NEK1: variants seen among roughly 807,000 people sequenced by gnomAD.
NEK1 encodes NIMA related kinase 1.
A neutral mutation model predicts 182.1 loss-of-function variants in NEK1; 137 were observed. The observed-to-expected ratio is 0.75, with a 90% CI of 0.65 to 0.87. The LOEUF is 0.87. NEK1 is among the 40% of genes least tolerant of loss of function. NEK1 has a pLI of 0.00. For synonymous variants in NEK1, 513 were observed against 492.2 expected (o/e 1.04, Z -0.56); for missense variants, 1,391 against 1,494.4 (o/e 0.93, Z 1.14).
chr4:169,484,595 G>A (rs995566503), intron 23 of NEK1, among the ~76,000 whole-genome samples: 5 of 152,130 alleles, frequency 3.3e-5, no homozygotes, highest in Non-Finnish European at 7.3e-5. Flanking sequence ...AGTACTAAAC[G>A]ATCTGGGGAA....
chr4:169,499,066 T>C (rs1240505039), intron 23 of NEK1, among the ~76,000 whole-genome samples: 1 of 152,226 alleles, frequency 6.6e-6, no homozygotes, highest in Non-Finnish European at 1.5e-5. Context: ...TTTGGTCTTT[T>C]CACATAGTCC....
intron 19 of NEK1, among the ~76,000 whole-genome samples, chr4:169,531,293 A>G (rs1339694512): frequency 6.6e-6 from 1 of 152,110 alleles, no homozygotes; most frequent in Non-Finnish European, 1.5e-5. Context: ...ATATGATGAT[A>G]AACTATTAAC....
intron 10 of NEK1, among the ~76,000 whole-genome samples, chr4:169,585,148 C>T (rs1279659843): frequency 6.6e-6 from 1 of 152,040 alleles, no homozygotes; most frequent in Non-Finnish European, 1.5e-5. Context: ...ATGATTTTGC[C>T]ATTGTACTCC....
intron 31 of NEK1, among the ~76,000 whole-genome samples, chr4:169,417,222 A>T (rs1396335802): frequency 6.6e-6 from 1 of 152,180 alleles, no homozygotes; most frequent in Non-Finnish European, 1.5e-5. Context: ...CAGGAAAGGG[A>T]CTGGTGTATC....
intron 31 of NEK1, among the ~76,000 whole-genome samples, chr4:169,424,053 G>A (rs1021883124): frequency 1.3e-5 from 2 of 151,958 alleles, no homozygotes; most frequent in South Asian, 4.1e-4. Context: ...TTTTACCTGC[G>A]TTTCAACATT....
chr4:169,473,908 A>G (rs1746483267), intron 26 of NEK1, among the ~76,000 whole-genome samples: 1 of 152,206 alleles, frequency 6.6e-6, no homozygotes, highest in Admixed American at 6.5e-5. Flanking sequence ...GAAGGTCTAT[A>G]GTGACCATGA....
At chr4:169,585,063 C>A (rs1767308082) in intron 10 of NEK1, among the ~76,000 whole-genome samples, 1 of 151,884 alleles carries the variant, frequency 6.6e-6, no homozygotes, top group Non-Finnish European at 1.5e-5. Flanking sequence ...GTGGTGCACA[C>A]CTGTAGTCTC....
chr4:169,450,374 T>C (rs1561208955), intron 27 of NEK1, among the ~76,000 whole-genome samples: 1 of 152,056 alleles, frequency 6.6e-6, no homozygotes, highest in Non-Finnish European at 1.5e-5. Flanking sequence ...AGACACATAA[T>C]TGTCAGATTC....
At chr4:169,432,768 T>TTTAATTAA (rs566380941) in intron 29 of NEK1, among the ~76,000 whole-genome samples, 1 of 152,050 alleles carries the variant, frequency 6.6e-6, no homozygotes, top group Non-Finnish European at 1.5e-5. Context: ...ATCATCATAC[T>TTTAATTAA]TTAATTAATT....
chr4:169,568,746 C>A (rs1764124912), intron 12 of NEK1, among the ~76,000 whole-genome samples: 2 of 151,938 alleles, frequency 1.3e-5, no homozygotes, highest in African/African-American at 4.8e-5. Flanking sequence ...GCCAGCCTGG[C>A]CAACATGGTG....
intron 23 of NEK1, among the ~76,000 whole-genome samples, chr4:169,493,782 T>C (rs1272113831): frequency 6.6e-6 from 1 of 152,066 alleles, no homozygotes; most frequent in Non-Finnish European, 1.5e-5. Flanking sequence ...TCAAGAAATA[T>C]AAGATTATGT....
intron 32 of NEK1, among the ~76,000 whole-genome samples, chr4:169,404,861 G>A (rs150238108): frequency 3.3e-5 from 5 of 151,972 alleles, no homozygotes; most frequent in African/African-American, 1.2e-4. Flanking sequence ...AGCTCTCAGA[G>A]GTATTGCTTG....
chr4:169,451,487 C>A (rs1206350398), intron 27 of NEK1, among the ~76,000 whole-genome samples: 1 of 152,190 alleles, frequency 6.6e-6, no homozygotes, highest in Non-Finnish European at 1.5e-5. Context: ...GAAACTCACT[C>A]AAAACCGCAC....
intron 16 of NEK1, among the ~76,000 whole-genome samples, chr4:169,556,878 A>G (rs1284767779): frequency 6.6e-6 from 1 of 152,202 alleles, no homozygotes; most frequent in African/African-American, 2.4e-5. Flanking sequence ...TAATCAATGT[A>G]TGTATATATT....
intron 32 of NEK1, among the ~76,000 whole-genome samples, chr4:169,404,947 T>C (rs1732330596): frequency 6.6e-6 from 1 of 152,114 alleles, no homozygotes; most frequent in Non-Finnish European, 1.5e-5. Flanking sequence ...TCCAATTACA[T>C]GCAGAAAACA....
At chr4:169,542,644 T>C (rs1452029334) in intron 18 of NEK1, among the ~76,000 whole-genome samples, 1 of 152,170 alleles carries the variant, frequency 6.6e-6, no homozygotes, top group Non-Finnish European at 1.5e-5. Context: ...CCTATTTCTC[T>C]ACATCCTCTC....
At chr4:169,594,304 C>T (rs1769070994) in intron 5 of NEK1, among the ~76,000 whole-genome samples, 1 of 152,084 alleles carries the variant, frequency 6.6e-6, no homozygotes, top group African/African-American at 2.4e-5. Flanking sequence ...AGAATTTTCC[C>T]AAAGTATGCT....
chr4:169,404,561 G>T (rs9995713), intron 32 of NEK1, among the ~76,000 whole-genome samples: 1 of 151,802 alleles, frequency 6.6e-6, no homozygotes, highest in Non-Finnish European at 1.5e-5. Flanking sequence ...GTAAAAAGCA[G>T]AAACAAGTTC....
chr4:169,599,246 G>A (rs776905556), intron 4 of NEK1, 49 bp from the exon 5 acceptor site: 1 of 1,355,038 alleles, frequency 7.4e-7, no homozygotes, highest in Non-Finnish European at 1.0e-6. Context: ...TACATCAAAA[G>A]CATGGCTAAA....
Sources: gnomAD v4.1 joint callset for allele counts (sites outside exome capture counted in the v4.1 genomes callset) on GRCh38, gnomAD v4.1.1 for gene constraint, MANE v1.5 for transcripts, NCBI Gene and HGNC (gene_info 2026-07-23, HGNC 2026-07-21) for gene names.